Variants in ZNF326 observed in about 807,000 individuals in gnomAD.
ZNF326 encodes DBIRD complex subunit ZNF326.
In ZNF326, 30 loss-of-function variants were observed where a neutral mutation model predicts 63.1. The observed-to-expected ratio is 0.48, with a 90% CI of 0.36 to 0.64. ZNF326 has a LOEUF of 0.64. Among genes scored for constraint, ZNF326 ranks in the 30% least tolerant of loss-of-function variants. The probability of loss-of-function intolerance (pLI) is 0.00; values close to 1 mark genes in which losing one functional copy is unlikely to be tolerated. For synonymous variants in ZNF326, 194 were observed against 228.2 expected (o/e 0.85, Z 1.35); for missense variants, 609 against 720.3 (o/e 0.85, Z 1.77).
At chr1:90,004,032 A>G (rs1417447734) in intron 2 of ZNF326, among the ~76,000 whole-genome samples, 1 of 152,182 alleles carries the variant, frequency 6.6e-6, no homozygotes, top group Non-Finnish European at 1.5e-5. Context: ...AGGACTTTAT[A>G]GAAAACAAAT....
intron 11 of ZNF326, 92 bp downstream of exon 11, chr1:90,022,437 AG>A (rs1350484389): frequency 4.6e-6 from 4 of 878,296 alleles, no homozygotes; most frequent in Non-Finnish European, 7.2e-6. Context: ...ACTTGAATAT[AG>A]TATAACATAT....
intron 11 of ZNF326, among the ~76,000 whole-genome samples, chr1:90,025,604 TG>T (rs1649981020): frequency 6.6e-6 from 1 of 152,212 alleles, no homozygotes. Context: ...TCAGGGCCTG[TG>T]GTTTTTGACA....
rs187394054 is a variant in ZNF326 at position 90,033,662 on chromosome 1, A to G, written c.*5961A>G. On this transcript the variant is annotated 3_prime_UTR_variant, in exon 12 of 12. Transcript: ENST00000340281. The stretch of plus-strand genomic sequence containing the variant: ...ACTGAGCTAGAATTTTGAGCTGAAG[A>G]TACTTCCAGAGCTTACAAGAAAAGA... 1.3e-3 allele frequency: 200 copies of G among 152,276 alleles called. 1 individual carries two copies. The highest frequency in any genetic ancestry group is 4.5e-3 in the African/African-American group (187 of 41,572). The allele number at this position is 152,276 out of a possible 1,614,324, so 9.4% of individuals were successfully genotyped here.
chr1:90,018,051 TG>T (rs1231232217), intron 8 of ZNF326, among the ~76,000 whole-genome samples: 2 of 152,148 alleles, frequency 1.3e-5, no homozygotes, highest in African/African-American at 2.4e-5. Flanking sequence ...CACAGCACTT[TG>T]GGAGGCTGAA....
At chr1:90,001,804 C>T (rs971257730) in intron 2 of ZNF326, among the ~76,000 whole-genome samples, 11 of 152,036 alleles carry the variant, frequency 7.2e-5, no homozygotes, top group African/African-American at 9.7e-5. Context: ...GTGATCCACC[C>T]GCCTTGGCCT....
rs557161214 is a variant in ZNF326, at chr1:89,995,494, C to G, written c.16+221C>G. Among the ~76,000 whole-genome samples, 557 of 152,356 alleles carry G rather than the reference C, an allele frequency of 3.7e-3. 5 individuals are homozygous for G. Among genetic ancestry groups the G allele is most frequent in the African/African-American group, 0.013 (524 of 41,588 alleles). The stretch of plus-strand genomic sequence containing the variant: ...CGCTGCCGGCGGAGACAAGAGAACT[C>G]GGTGTCCGGTAGGACGCGCCTAGAG... On this transcript the variant is annotated intron_variant, in intron 1 of 11. Coordinates refer to ENST00000340281, the MANE Select transcript of ZNF326 (RefSeq NM_182976.4).
In ZNF326 at chr1:90,035,235, CAT is replaced by C. The variant is rs937226854; in HGVS notation, c.*7536_*7537del. On this transcript the variant is annotated 3_prime_UTR_variant, in exon 12 of 12. Coordinates refer to ENST00000340281, the MANE Select transcript of ZNF326 (RefSeq NM_182976.4). ...AAATAGAAGTATTAGGAAGAGAAAA[CAT>C]AGTCCTTATTTTGAGCAGTGTGATT... is the stretch of plus-strand genomic sequence containing the variant. 2 of 152,196 alleles carry C rather than the reference CAT, an allele frequency of 1.3e-5. No homozygotes were observed. The highest frequency in any genetic ancestry group is 4.8e-5 in the African/African-American group (2 of 41,464). 9.4% of individuals were successfully genotyped at this position (152,196 alleles called of 1,614,324 possible).
At chr1:90,019,168 CAAAACAAGAACA>C (rs1306676268) in intron 9 of ZNF326, among the ~76,000 whole-genome samples, 2 of 151,504 alleles carry the variant, frequency 1.3e-5, no homozygotes, top group South Asian at 2.1e-4. Context: ...AAAAACAAAA[CAAAACAAGAACA>C]AAAACAAGAA....
At position 90,034,631 on chromosome 1, in the gene ZNF326, T is replaced by C. The variant is rs1006625683; in HGVS notation, c.*6930T>C. The C allele has an allele frequency of 1.3e-5, 2 of 152,136 alleles. No homozygotes were observed. Among genetic ancestry groups the C allele is most frequent in the African/African-American group, 4.8e-5 (2 of 41,446 alleles). 9.4% of individuals were successfully genotyped at this position (152,136 alleles called of 1,614,324 possible). A position where few individuals can be genotyped will look rare whatever the true frequency, so the allele number is the denominator to read the frequency against. On this transcript the variant is annotated 3_prime_UTR_variant, in exon 12 of 12. Transcript: ENST00000340281. ...GCAAGTGGATAGCAATAAATCAATTTTTAAAAATCAGACAAAAGAAAACAC... is the reference window on the plus strand; with the variant it reads ...GCAAGTGGATAGCAATAAATCAATTCTTAAAAATCAGACAAAAGAAAACAC...
chr1:89,999,410 A>G (rs1483201579), intron 2 of ZNF326, among the ~76,000 whole-genome samples: 1 of 152,146 alleles, frequency 6.6e-6, no homozygotes, highest in African/African-American at 2.4e-5. Context: ...GATTTACTGG[A>G]TAGTTGGATT....
chr1:90,031,724 A>T lies in ZNF326; in HGVS notation c.*4023A>T, dbSNP rs1184962542. On this transcript the variant is annotated 3_prime_UTR_variant, in exon 12 of 12. Transcript: ENST00000340281. ...AGGCACACACCACCATGCCCAGCTA[A>T]TTTTTTTGTATTTTTAATAGAGATG... is the stretch of plus-strand genomic sequence containing the variant. 1 of 151,728 alleles carries T rather than the reference A, an allele frequency of 6.6e-6. No homozygotes were observed. The highest frequency in any genetic ancestry group is 2.4e-5 in the African/African-American group (1 of 41,262). The allele number at this position is 151,728 out of a possible 1,614,324, so 9.4% of individuals were successfully genotyped here.
intron 11 of ZNF326, among the ~76,000 whole-genome samples, chr1:90,024,499 A>G (rs1411428609): frequency 6.6e-6 from 1 of 152,186 alleles, no homozygotes; most frequent in Non-Finnish European, 1.5e-5. Context: ...TCAATTCACA[A>G]TAATTTTACT....
At chr1:90,019,821 G>A (rs774537736) in intron 9 of ZNF326, among the ~76,000 whole-genome samples, 4 of 151,972 alleles carry the variant, frequency 2.6e-5, no homozygotes, top group African/African-American at 9.7e-5. Flanking sequence ...AAAAGTTATC[G>A]TCTCCTTGAG....
At chr1:90,002,041 T>A (rs1437619062) in intron 2 of ZNF326, among the ~76,000 whole-genome samples, 1 of 152,226 alleles carries the variant, frequency 6.6e-6, no homozygotes, top group Admixed American at 6.5e-5. Context: ...ATTTAAGATA[T>A]ACTACTATGT....
chr1:89,996,349 A>C (rs1439901252), intron 1 of ZNF326, among the ~76,000 whole-genome samples: 1 of 152,238 alleles, frequency 6.6e-6, no homozygotes, highest in Non-Finnish European at 1.5e-5. Flanking sequence ...GTGTGATCTC[A>C]GCATATGTCT....
chr1:90,006,402 T>C, intron 4 of ZNF326: 1 of 985,008 alleles, frequency 1.0e-6, no homozygotes, highest in African/African-American at 1.7e-5. Context: ...TTTTATCTCA[T>C]GTGTAATTGT....
intron 9 of ZNF326, 55 bp from the exon 10 acceptor site, chr1:90,020,737 A>T: frequency 6.4e-7 from 1 of 1,550,456 alleles, no homozygotes; most frequent in South Asian, 1.2e-5. Context: ...TAAAAACTTC[A>T]TTGGTCAGAA....
rs556098274 is a variant in ZNF326 at position 90,015,727 on chromosome 1, A to G, written c.927-1590A>G. Among the ~76,000 whole-genome samples the G allele has an allele frequency of 7.9e-4, 120 of 152,080 alleles. 1 individual carries two copies. Among genetic ancestry groups the G allele is most frequent in the Non-Finnish European group, 1.3e-3 (89 of 67,998 alleles). ...TGCATGGAAATCAGGGGAGGCTGCA[A>G]TGATGGAAGTAGTATTTGAATTGAT... is the stretch of plus-strand genomic sequence containing the variant. On this transcript the variant is annotated intron_variant, in intron 7 of 11. Transcript: ENST00000340281.
At chr1:90,018,031 C>G (rs928438526) in intron 8 of ZNF326, among the ~76,000 whole-genome samples, 1 of 152,158 alleles carries the variant, frequency 6.6e-6, no homozygotes, top group African/African-American at 2.4e-5. Context: ...CAGTGGCTCA[C>G]GCCTGTAATC....
Sources: allele counts gnomAD v4.1 joint callset (sites outside exome capture counted in the v4.1 genomes callset), GRCh38; gene constraint gnomAD v4.1.1; transcripts MANE v1.5; gene names NCBI Gene and HGNC (gene_info 2026-07-23, HGNC 2026-07-21).